Variants in TTC12 observed in about 807,000 individuals in gnomAD.
The protein encoded by TTC12 is tetratricopeptide repeat domain 12.
TTC12 carries 70 observed loss-of-function variants against 90.1 expected under a neutral mutation model. The observed-to-expected ratio is 0.78, with a 90% CI of 0.64 to 0.95. TTC12 has a LOEUF of 0.95. Ranked by LOEUF, TTC12 falls within the 40% of genes least tolerant of loss-of-function variation. TTC12 has a pLI of 0.00. For missense variants in TTC12, 819 were observed against 846.1 expected, an observed-to-expected ratio of 0.97 and a Z score of 0.40; for synonymous variants, 296 against 311.5, an observed-to-expected ratio of 0.95 and a Z score of 0.53.
intron 6 of TTC12, among the ~76,000 whole-genome samples, chr11:113,329,464 C>T (rs1555141986): frequency 6.6e-6 from 1 of 152,174 alleles, no homozygotes; most frequent in African/African-American, 2.4e-5. Flanking sequence ...AGCCCTCTAG[C>T]TTCCATTTGC....
At chr11:113,335,363 A>C (rs1893695) in intron 8 of TTC12, among the ~76,000 whole-genome samples, 50,474 of 152,112 alleles carry the variant, frequency 0.33, 10,914 homozygotes, top group Non-Finnish European at 0.48. Flanking sequence ...CAACCTGTCT[A>C]TCTACCTATT....
At chr11:113,323,068 C>A in intron 2 of TTC12, among the ~76,000 whole-genome samples, 1 of 136,238 alleles carries the variant, frequency 7.3e-6, no homozygotes, top group Non-Finnish European at 1.5e-5. Flanking sequence ...TTCCTTAAAG[C>A]TAATAGCTAT....
At chr11:113,361,255 C>T (rs773774488) in intron 18 of TTC12, among the ~76,000 whole-genome samples, 3 of 152,194 alleles carry the variant, frequency 2.0e-5, no homozygotes, top group Non-Finnish European at 4.4e-5. Flanking sequence ...TCTTTTCTCC[C>T]TCTGGAGACC....
chr11:113,363,744 G>A lies in TTC12; in HGVS notation c.1717-84G>A, dbSNP rs713233. On this transcript the variant is annotated intron_variant, in intron 19 of 21. Transcript: ENST00000529221. Reference sequence around the variant, plus strand: ...TTTCAGAGTTTAGGAAGCCACTAGCGCTATAATAACTGCTTGCTGTGGTTT... The same window carrying A: ...TTTCAGAGTTTAGGAAGCCACTAGCACTATAATAACTGCTTGCTGTGGTTT... The A allele has an allele frequency of 0.19, 172,247 of 899,020 alleles. 21,417 individuals are homozygous for A. The highest frequency in any genetic ancestry group is 0.51 in the East Asian group (19,875 of 39,318). 55.7% of individuals were successfully genotyped at this position (899,020 alleles called of 1,614,324 possible).
At chr11:113,365,144 G>A (rs1950141677) in intron 21 of TTC12, 84 bp downstream of exon 21, 1 of 1,219,106 alleles carries the variant, frequency 8.2e-7, no homozygotes, top group African/African-American at 1.5e-5. Context: ...GGGACTGCAT[G>A]CCACACAGAA....
chr11:113,349,431 T>A (rs1555149276), intron 13 of TTC12, among the ~76,000 whole-genome samples: 1 of 152,190 alleles, frequency 6.6e-6, no homozygotes, highest in African/African-American at 2.4e-5. Context: ...GTAAGTCCGT[T>A]TGGGCAGCCT....
At chr11:113,367,804 G>GGGCACTCTGTGGT (rs1950261892), downstream of TTC12, among the ~76,000 whole-genome samples, 2 of 152,248 alleles carry the variant, frequency 1.3e-5, no homozygotes, top group East Asian at 3.9e-4. Flanking sequence ...GAGCTCACTG[G>GGGCACTCTGTGGT]GGCACTCTGT....
At chr11:113,325,423 G>A in intron 5 of TTC12, 101 bp from the exon 6 acceptor site, 13 of 1,412,638 alleles carry the variant, frequency 9.2e-6, no homozygotes, top group Non-Finnish European at 1.3e-5. Flanking sequence ...ATCGATAGAA[G>A]TGAAGACCTT....
At position 113,324,506 on chromosome 11, in the gene TTC12, A is replaced by G. The variant is rs1360836038; in HGVS notation, c.245-99A>G. 3.4e-5 allele frequency: 30 copies of G among 879,284 alleles called. No individual in the cohort carries two copies. The Admixed American group carries it at 4.2e-4, about 12-fold the overall frequency. 54.5% of individuals were successfully genotyped at this position (879,284 alleles called of 1,614,324 possible). A position where few individuals can be genotyped will look rare whatever the true frequency, so the allele number is the denominator to read the frequency against. On this transcript the variant is annotated intron_variant, in intron 4 of 21. Transcript: ENST00000529221. ...CGTGTGTGTGCCTGTGTGCATATGC[A>G]TACGTGTGGCTCTAAAGTAACACTT... is the stretch of plus-strand genomic sequence containing the variant.
chr11:113,344,944 C>T (rs1443003388), intron 13 of TTC12, among the ~76,000 whole-genome samples: 1 of 152,140 alleles, frequency 6.6e-6, no homozygotes, highest in Non-Finnish European at 1.5e-5. Flanking sequence ...AATGTGTGTA[C>T]CCTAAGTAGA....
intron 16 of TTC12, among the ~76,000 whole-genome samples, chr11:113,353,281 C>G (rs1555151119): frequency 6.6e-6 from 1 of 152,034 alleles, no homozygotes; most frequent in East Asian, 1.9e-4. Flanking sequence ...AAAAGTGTCT[C>G]TTCATGTCCT....
chr11:113,321,109 C>T (rs1456078250), intron 2 of TTC12, among the ~76,000 whole-genome samples: 1 of 152,050 alleles, frequency 6.6e-6, no homozygotes, highest in Admixed American at 6.5e-5. Flanking sequence ...GTAGGCTCTT[C>T]GTAGAAATCC....
downstream of TTC12, among the ~76,000 whole-genome samples, chr11:113,367,690 A>G (rs565247681): frequency 1.3e-5 from 2 of 148,398 alleles, no homozygotes; most frequent in Admixed American, 1.3e-4. Context: ...TTCGTTTCTG[A>G]AACGGAGATA....
chr11:113,321,080 A>G (rs1435837863), intron 2 of TTC12, among the ~76,000 whole-genome samples: 2 of 152,230 alleles, frequency 1.3e-5, no homozygotes, highest in African/African-American at 2.4e-5. Flanking sequence ...ACCCAATAGA[A>G]AATTGGCCAA....
intron 10 of TTC12, 101 bp downstream of exon 10, chr11:113,339,575 C>T: frequency 9.1e-7 from 1 of 1,096,732 alleles, no homozygotes; most frequent in East Asian, 2.4e-5. Context: ...CTTCCTTCCA[C>T]AAATATTGAT....
At chr11:113,317,031 A>G (rs1946982163) in intron 2 of TTC12, among the ~76,000 whole-genome samples, 1 of 152,238 alleles carries the variant, frequency 6.6e-6, no homozygotes. Flanking sequence ...GTGGTTTTAA[A>G]GCTAGCTTGG....
intron 13 of TTC12, among the ~76,000 whole-genome samples, chr11:113,349,800 C>T (rs1949164376): frequency 6.6e-6 from 1 of 152,178 alleles, no homozygotes; most frequent in African/African-American, 2.4e-5. Flanking sequence ...GTCACAGAAA[C>T]TCCTTCTGAG....
rs563981828 is a variant in TTC12 at position 113,329,340 on chromosome 11, G to T, written c.445-580G>T. ...ACAGCAGGGTAGACTCCAGAATCCA[G>T]CTCTTCCTTCTTGGATGTGGCTAGT... On this transcript the variant is annotated intron_variant, in intron 6 of 21. Transcript: ENST00000529221. 3.9e-5 allele frequency among the ~76,000 whole-genome samples: 6 copies of T among 152,280 alleles called. No individual in the cohort carries two copies. In the South Asian group the frequency reaches 1.2e-3, roughly 32 times the overall value.
At chr11:113,342,954 G>T (rs1383892859) in intron 12 of TTC12, among the ~76,000 whole-genome samples, 1 of 152,122 alleles carries the variant, frequency 6.6e-6, no homozygotes, top group Non-Finnish European at 1.5e-5. Flanking sequence ...CTCTTTCTGT[G>T]AACCTATTTA....
Sources: gnomAD v4.1 joint callset for allele counts (sites outside exome capture counted in the v4.1 genomes callset) on GRCh38, gnomAD v4.1.1 for gene constraint, MANE v1.5 for transcripts, NCBI Gene and HGNC (gene_info 2026-07-23, HGNC 2026-07-21) for gene names.